GRIN2B: variants seen among roughly 807,000 people sequenced by gnomAD.
GRIN2B encodes the protein glutamate ionotropic receptor NMDA type subunit 2B, also known as glutamate receptor ionotropic, NMDA 2B.
A neutral mutation model predicts 114.5 loss-of-function variants in GRIN2B; 5 were observed. The ratio of observed to expected loss-of-function variants is 0.04; its 90% CI spans 0.02 to 0.09. The LOEUF (loss-of-function observed/expected upper bound fraction) is 0.09, where lower values mean the gene tolerates loss of function less well. Among genes scored for constraint, GRIN2B ranks in the 10% least tolerant of loss-of-function variants. The pLI is 1.00. For synonymous variants in GRIN2B, 787 were observed against 745.1 expected, an observed-to-expected ratio of 1.06 and a Z score of -0.92; for missense variants, 1,108 against 1,943.5, an observed-to-expected ratio of 0.57 and a Z score of 8.08.
At chr12:13,827,231 T>TTTTC (rs1555144266) in intron 3 of GRIN2B, among the ~76,000 whole-genome samples, 1 of 147,158 alleles carries the variant, frequency 6.8e-6, no homozygotes, top group Non-Finnish European at 1.5e-5. Flanking sequence ...GTTGTTTTCT[T>TTTTC]TTTTTTTTTT....
At chr12:13,873,477 G>C (rs1378773405) in intron 2 of GRIN2B, among the ~76,000 whole-genome samples, 1 of 152,166 alleles carries the variant, frequency 6.6e-6, no homozygotes, top group Non-Finnish European at 1.5e-5. Context: ...ATCCAAGTCT[G>C]TAGAAATAAC....
At chr12:13,914,200 A>G (rs964017878) in intron 2 of GRIN2B, among the ~76,000 whole-genome samples, 10 of 152,060 alleles carry the variant, frequency 6.6e-5, no homozygotes, top group Non-Finnish European at 1.0e-4. Context: ...CCTTTTCACT[A>G]CTGGTCCCCT....
intron 10 of GRIN2B, 90 bp downstream of exon 10, chr12:13,608,513 A>C: frequency 1.1e-6 from 1 of 948,726 alleles, no homozygotes; most frequent in East Asian, 2.6e-5. Context: ...AATTCCAAAA[A>C]TTTAGAAGAC....
At chr12:13,782,897 A>G (rs1406266260) in intron 3 of GRIN2B, among the ~76,000 whole-genome samples, 1 of 152,140 alleles carries the variant, frequency 6.6e-6, no homozygotes, top group Non-Finnish European at 1.5e-5. Flanking sequence ...GCCTATGCAG[A>G]TGGGGAAAAT....
chr12:13,871,928 C>T (rs1014628065), intron 2 of GRIN2B, among the ~76,000 whole-genome samples: 6 of 152,232 alleles, frequency 3.9e-5, no homozygotes, highest in African/African-American at 1.2e-4. Flanking sequence ...TTAAAGCCCA[C>T]ACCCCTAATG....
chr12:13,600,328 C>T (rs982818670), intron 10 of GRIN2B, among the ~76,000 whole-genome samples: 9 of 152,110 alleles, frequency 5.9e-5, no homozygotes, highest in Admixed American at 5.9e-4. Context: ...GAGACAAAGC[C>T]AAATTCTTTA....
Position 13,563,628 on chromosome 12 carries a change from C to T in GRIN2B, c.3610G>A (p.Val1204Met), listed in dbSNP as rs201729758. ...PAPWEKNLTNVEWEDRSGGNF... is the reference protein window; with the variant it reads ...PAPWEKNLTNMEWEDRSGGNF... ...CCCCCGGACCGGTCCTCCCACTCCA[C>T]GTTGGTCAGGTTCTTCTCCCAAGGT... The change falls in exon 14 of 14, where the codon GTG (valine) becomes ATG (methionine). Residue 1204 changes from valine to methionine, a missense_variant. This residue lies in a region of GRIN2B where 478 missense variants were observed against 506.0 expected (regional missense o/e 0.94). Coordinates refer to ENST00000609686, the MANE Select transcript of GRIN2B (RefSeq NM_000834.5). 2.5e-6 allele frequency: 4 copies of T among 1,613,960 alleles called. No homozygotes were observed. Among genetic ancestry groups the T allele is most frequent in the African/African-American group, 1.3e-5 (1 of 75,064 alleles).
At chr12:13,657,081 G>A (rs976562977) in intron 5 of GRIN2B, among the ~76,000 whole-genome samples, 3 of 152,208 alleles carry the variant, frequency 2.0e-5, no homozygotes, top group African/African-American at 7.2e-5. Context: ...AGTAGGGAAG[G>A]AGAGCAGGAG....
At chr12:13,834,639 T>C (rs1424954020) in intron 3 of GRIN2B, among the ~76,000 whole-genome samples, 3 of 152,172 alleles carry the variant, frequency 2.0e-5, no homozygotes, top group African/African-American at 7.2e-5. Context: ...TTCGGCCCTT[T>C]CACAGGTGAA....
intron 3 of GRIN2B, among the ~76,000 whole-genome samples, chr12:13,792,392 C>T (rs559697980): frequency 1.3e-5 from 2 of 152,296 alleles, no homozygotes; most frequent in East Asian, 3.9e-4. Flanking sequence ...GATGGCTATC[C>T]CTTGAAGCTC....
At chr12:13,571,684 G>A (rs1008876981) in intron 11 of GRIN2B, 120 bp downstream of exon 11, 28 of 1,044,820 alleles carry the variant, frequency 2.7e-5, no homozygotes, top group Non-Finnish European at 4.2e-5. Context: ...AAGAGCAAAT[G>A]AAGTCTTCTT....
chr12:13,790,736 TC>T (rs1316371179), intron 3 of GRIN2B, among the ~76,000 whole-genome samples: 3 of 152,188 alleles, frequency 2.0e-5, no homozygotes, highest in Non-Finnish European at 2.9e-5. Flanking sequence ...AGTAGGAACT[TC>T]AGACTTAGAA....
chr12:13,850,668 A>G (rs1865545572), intron 3 of GRIN2B, among the ~76,000 whole-genome samples: 2 of 152,180 alleles, frequency 1.3e-5, no homozygotes, highest in Admixed American at 1.3e-4. Context: ...AAAGGGAGGA[A>G]GTCAACTTTG....
intron 4 of GRIN2B, among the ~76,000 whole-genome samples, chr12:13,702,950 G>T (rs537242035): frequency 6.6e-6 from 1 of 152,232 alleles, no homozygotes; most frequent in East Asian, 1.9e-4. Context: ...TTAGAAGAGG[G>T]TCATCATAAC....
intron 4 of GRIN2B, among the ~76,000 whole-genome samples, chr12:13,752,210 G>C (rs1277463922): frequency 6.6e-6 from 1 of 152,128 alleles, no homozygotes; most frequent in East Asian, 1.9e-4. Flanking sequence ...AAGCTAGATA[G>C]TGAGTACCTG....
In GRIN2B at chr12:13,551,955, G is replaced by A. The variant is rs1948418125; in HGVS notation, c.*10828C>T. ...TAGGGCTGAAGTTTTAGGCAGGCAT[G>A]TTTTGTTTCATTTCGAAAAAAAAAC... On this transcript the variant is annotated 3_prime_UTR_variant, in exon 14 of 14. Transcript: ENST00000609686. 1 of 151,936 alleles carries A rather than the reference G, an allele frequency of 6.6e-6. No homozygotes were observed. The highest frequency in any genetic ancestry group is 6.6e-5 in the Admixed American group (1 of 15,258). The allele number at this position is 151,936 out of a possible 1,614,324, so 9.4% of individuals were successfully genotyped here.
intron 3 of GRIN2B, among the ~76,000 whole-genome samples, chr12:13,844,845 A>G (rs1265845055): frequency 6.6e-6 from 1 of 152,186 alleles, no homozygotes; most frequent in Non-Finnish European, 1.5e-5. Context: ...TGAAAACTGT[A>G]AAACATCATG....
intron 3 of GRIN2B, among the ~76,000 whole-genome samples, chr12:13,807,709 CTTTTTTTTT>C (rs71067726): frequency 6.6e-4 from 51 of 77,402 alleles, no homozygotes; most frequent in African/African-American, 1.5e-3. Context: ...AAGCAGAAGG[CTTTTTTTTT>C]TTTTTTTTTT....
At chr12:13,800,099 C>T (rs1466949724) in intron 3 of GRIN2B, among the ~76,000 whole-genome samples, 1 of 152,136 alleles carries the variant, frequency 6.6e-6, no homozygotes, top group Non-Finnish European at 1.5e-5. Flanking sequence ...CCATTTTCCT[C>T]CTGGAATCAC....
Sources: gnomAD v4.1 joint callset for allele counts (sites outside exome capture counted in the v4.1 genomes callset) on GRCh38, gnomAD v4.1.1 for gene constraint, gnomAD v4.1.1 regional missense constraint, MANE v1.5 for transcripts, NCBI Gene and HGNC (gene_info 2026-07-23, HGNC 2026-07-21) for gene names.